LPP: variants seen among roughly 807,000 people sequenced by gnomAD.
The protein encoded by LPP is LIM domain containing preferred translocation partner in lipoma, also known as lipoma-preferred partner.
In LPP, 38 loss-of-function variants were observed where a neutral mutation model predicts 60.4. The observed-to-expected ratio is 0.63, with a 90% confidence interval of 0.49 to 0.83. The LOEUF (loss-of-function observed/expected upper bound fraction) is 0.83, where lower values mean the gene tolerates loss of function less well. LPP is among the 40% of genes least tolerant of loss of function. The probability of loss-of-function intolerance (pLI) is 0.00; values close to 1 mark genes in which losing one functional copy is unlikely to be tolerated. For synonymous variants in LPP, 328 were observed against 290.8 expected, an observed-to-expected ratio of 1.13 and a Z score of -1.30; for missense variants, 902 against 783.6, an observed-to-expected ratio of 1.15 and a Z score of -1.80.
At chr3:188,370,984 C>T (rs11924349) in intron 3 of LPP, among the ~76,000 whole-genome samples, 5,060 of 152,130 alleles carry the variant, frequency 0.033, 276 homozygotes, top group African/African-American at 0.12. Context: ...ATTTGTAGAC[C>T]ATTTGCTTAT....
intron 7 of LPP, among the ~76,000 whole-genome samples, chr3:188,643,005 TAC>T (rs1213103019): frequency 6.6e-6 from 1 of 152,132 alleles, no homozygotes; most frequent in Non-Finnish European, 1.5e-5. Context: ...TAAAAGAATT[TAC>T]AGTTTCTGAC....
At chr3:188,246,260 T>G (rs188187574) in intron 2 of LPP, among the ~76,000 whole-genome samples, 1 of 152,254 alleles carries the variant, frequency 6.6e-6, no homozygotes, top group Admixed American at 6.5e-5. Flanking sequence ...TATGTCTAGG[T>G]GTCTATTTCT....
intron 2 of LPP, among the ~76,000 whole-genome samples, chr3:188,340,011 T>A (rs1762621993): frequency 6.6e-6 from 1 of 152,214 alleles, no homozygotes; most frequent in Admixed American, 6.5e-5. Flanking sequence ...AACTTAGAAC[T>A]AAGTGTGTGT....
At chr3:188,288,200 C>T (rs1744625087) in intron 2 of LPP, among the ~76,000 whole-genome samples, 1 of 152,140 alleles carries the variant, frequency 6.6e-6, no homozygotes, top group Non-Finnish European at 1.5e-5. Context: ...GGAAAATTGT[C>T]CACATCCCTT....
At position 188,609,597 on chromosome 3, in the gene LPP, A is replaced by G. The variant is rs1024258740; in HGVS notation, c.866A>G (p.Tyr289Cys). ...CTTCAGCCGGAGCCTGGGTATGGGT[A>G]TGCCCCCAACCAGGGACGCTATTAT... ...PGLQPEPGYGYAPNQGRYYEG... is the reference protein window; with the variant it reads ...PGLQPEPGYGCAPNQGRYYEG... Residue 289 changes from tyrosine to cysteine, a missense_variant, in exon 7 of 12, where the codon TAT becomes TGT. Physicochemically the swap from Tyr to Cys is radical, Grantham distance 194 (BLOSUM62 -2). Transcript: ENST00000617246. The surrounding 1 kb of genome is among the most constrained non-coding windows in gnomAD (Gnocchi z 6.9). 6.2e-7 allele frequency: 1 copy of G among 1,614,158 alleles called. No homozygotes were observed. Among genetic ancestry groups the G allele is most frequent in the Admixed American group, 1.7e-5 (1 of 60,014 alleles).
intron 7 of LPP, among the ~76,000 whole-genome samples, chr3:188,705,746 A>T (rs558205480): frequency 4.3e-4 from 66 of 152,108 alleles, no homozygotes; most frequent in Admixed American, 1.2e-3. Context: ...CCTCCTGAGT[A>T]GCTGGGATTA....
At chr3:188,825,269 CTGTGTGTGTGTGTGTGTGTG>C (rs3057956) in intron 9 of LPP, among the ~76,000 whole-genome samples, 88 of 101,756 alleles carry the variant, frequency 8.6e-4, no homozygotes, top group Admixed American at 1.3e-3. Flanking sequence ...CTCTCTCTCT[CTGTGTGTGTGTGTGTGTGTG>C]TGTGTGTGTG....
intron 2 of LPP, among the ~76,000 whole-genome samples, chr3:188,340,917 A>G (rs897619252): frequency 1.3e-5 from 2 of 152,196 alleles, no homozygotes; most frequent in Admixed American, 6.5e-5. Flanking sequence ...ACTGCTCTCT[A>G]TAACCATATA....
chr3:188,554,898 T>C (rs907911128), intron 6 of LPP, among the ~76,000 whole-genome samples: 4 of 152,142 alleles, frequency 2.6e-5, no homozygotes, highest in Non-Finnish European at 5.9e-5. Flanking sequence ...TGTATTTTCT[T>C]AAAAGAGTTT....
chr3:188,487,532 G>C (rs550679345), intron 5 of LPP, among the ~76,000 whole-genome samples: 1 of 152,142 alleles, frequency 6.6e-6, no homozygotes, highest in African/African-American at 2.4e-5. Context: ...AATAAAATAC[G>C]GTTTGCCAAA....
chr3:188,841,167 C>T (rs1759864178), intron 9 of LPP, among the ~76,000 whole-genome samples: 1 of 152,062 alleles, frequency 6.6e-6, no homozygotes, highest in Non-Finnish European at 1.5e-5. Context: ...TTTCATCAGC[C>T]ACGTGGAAGA....
intron 2 of LPP, among the ~76,000 whole-genome samples, chr3:188,318,750 ATTCTTTTTTTTT>A (rs1316467395): frequency 8.3e-6 from 1 of 120,518 alleles, no homozygotes; most frequent in African/African-American, 3.3e-5. Flanking sequence ...AAAAATTATG[ATTCTTTTTTTTT>A]TTTTTTTTTT....
At chr3:188,375,652 A>G (rs1350814242) in intron 3 of LPP, among the ~76,000 whole-genome samples, 1 of 152,142 alleles carries the variant, frequency 6.6e-6, no homozygotes, top group Non-Finnish European at 1.5e-5. Context: ...TTTTAAAAAA[A>G]CCAGCTCCTG....
rs575127419 is a variant in LPP, at chr3:188,888,194, G to C, written c.*13715G>C. 1.4e-5 allele frequency: 3 copies of C among 218,568 alleles called. No individual in the cohort carries two copies. In the East Asian group the frequency reaches 2.0e-4, roughly 15 times the overall value. The allele number at this position is 218,568 out of a possible 1,614,324, so 13.5% of individuals were successfully genotyped here. A position where few individuals can be genotyped will look rare whatever the true frequency, so the allele number is the denominator to read the frequency against. On this transcript the variant is annotated 3_prime_UTR_variant, in exon 12 of 12. Transcript: ENST00000617246. The stretch of plus-strand genomic sequence containing the variant: ...TTATCATTACTCTAACAGATTTAGG[G>C]CTTCTCTTTCTCTACAGCTAAGTAA...
intron 9 of LPP, among the ~76,000 whole-genome samples, chr3:188,778,100 G>A (rs1738404494): frequency 6.6e-6 from 1 of 152,020 alleles, no homozygotes; most frequent in South Asian, 2.1e-4. Flanking sequence ...CTATTTCATT[G>A]ATGTTTCAAG....
chr3:188,623,447 AG>A, intron 7 of LPP, among the ~76,000 whole-genome samples: 1 of 152,018 alleles, frequency 6.6e-6, no homozygotes, highest in Non-Finnish European at 1.5e-5. Flanking sequence ...TAATAGAGAC[AG>A]GGTTTCACTA....
chr3:188,587,700 C>T (rs74826143), intron 6 of LPP, among the ~76,000 whole-genome samples: 116 of 152,212 alleles, frequency 7.6e-4, no homozygotes, highest in African/African-American at 2.7e-3. Context: ...AGATTGTGGG[C>T]CAGAATTATC....
At chr3:188,440,108 T>C (rs180694230) in intron 4 of LPP, among the ~76,000 whole-genome samples, 1 of 152,332 alleles carries the variant, frequency 6.6e-6, no homozygotes, top group East Asian at 1.9e-4. Flanking sequence ...AAAACCAGTG[T>C]GTGACACATC....
At chr3:188,548,256 T>C (rs1426209910) in intron 6 of LPP, among the ~76,000 whole-genome samples, 1 of 152,176 alleles carries the variant, frequency 6.6e-6, no homozygotes, top group African/African-American at 2.4e-5. Context: ...ATTTCACTTC[T>C]CTTGTGCCAC....
Sources: allele counts gnomAD v4.1 joint callset (sites outside exome capture counted in the v4.1 genomes callset), GRCh38; gene constraint gnomAD v4.1.1; non-coding constraint Gnocchi (gnomAD v3.1); transcripts MANE v1.5; gene names NCBI Gene and HGNC (gene_info 2026-07-23, HGNC 2026-07-21).